CCDC13: variants seen among roughly 807,000 people sequenced by gnomAD.
The protein encoded by CCDC13 is coiled-coil domain containing 13, also known as coiled-coil domain-containing protein 13.
CCDC13 carries 70 observed loss-of-function variants against 87.3 expected under a neutral mutation model. The observed-to-expected ratio is 0.80, with a 90% confidence interval of 0.66 to 0.98. CCDC13 has a LOEUF of 0.98. CCDC13 is among the 50% of genes least tolerant of loss of function. The probability of loss-of-function intolerance (pLI) is 0.00; values close to 1 mark genes in which losing one functional copy is unlikely to be tolerated. For synonymous variants in CCDC13, 317 were observed against 360.3 expected (o/e 0.88, Z 1.36); for missense variants, 842 against 892.0 (o/e 0.94, Z 0.71).
At chr3:42,711,026 A>G (rs950121999) in intron 14 of CCDC13, among the ~76,000 whole-genome samples, 3 of 151,038 alleles carry the variant, frequency 2.0e-5, no homozygotes, top group Admixed American at 2.0e-4. Flanking sequence ...GGGGTGGATA[A>G]TTTGAGGTCA....
chr3:42,760,394 A>C (rs1428283998), intron 1 of CCDC13, among the ~76,000 whole-genome samples: 2 of 152,180 alleles, frequency 1.3e-5, no homozygotes, highest in Non-Finnish European at 2.9e-5. Context: ...AGGTGGGTGG[A>C]TCACCGGAGT....
intron 13 of CCDC13, among the ~76,000 whole-genome samples, chr3:42,720,799 A>C (rs55799024): frequency 0.17 from 25,373 of 152,198 alleles, 2,210 homozygotes; most frequent in South Asian, 0.25. Context: ...CTTTTCCGTC[A>C]ATTAAACATT....
intron 2 of CCDC13, among the ~76,000 whole-genome samples, chr3:42,757,540 C>G (rs530130298): frequency 6.6e-6 from 1 of 152,182 alleles, no homozygotes; most frequent in African/African-American, 2.4e-5. Flanking sequence ...AAAGAAAGAC[C>G]CTGTCTCTAA....
intron 15 of CCDC13, 51 bp from the exon 16 acceptor site, chr3:42,709,190 G>C (rs1698243911): frequency 1.9e-6 from 3 of 1,543,774 alleles, no homozygotes; most frequent in Non-Finnish European, 2.6e-6. Flanking sequence ...ACACAGGTGT[G>C]CGTGGGTGAC....
At chr3:42,735,159 G>T (rs1460003168) in intron 10 of CCDC13, among the ~76,000 whole-genome samples, 3 of 152,224 alleles carry the variant, frequency 2.0e-5, no homozygotes, top group Admixed American at 2.0e-4. Context: ...AGGCTGAGGG[G>T]CAGCCGGCCA....
At chr3:42,733,412 C>A in intron 11 of CCDC13, 58 bp downstream of exon 11, 1 of 1,601,376 alleles carries the variant, frequency 6.2e-7, no homozygotes. Flanking sequence ...AAGAAACAAC[C>A]TTTCTTCCGA....
chr3:42,771,312 A>C (rs972616378), intron 1 of CCDC13, among the ~76,000 whole-genome samples: 10 of 152,246 alleles, frequency 6.6e-5, no homozygotes, highest in African/African-American at 9.6e-5. Context: ...TAAATGAAAA[A>C]TATCAGTGGT....
chr3:42,713,065 G>T, intron 14 of CCDC13, 97 bp downstream of exon 14: 1 of 1,373,756 alleles, frequency 7.3e-7, no homozygotes, highest in Non-Finnish European at 9.9e-7. Context: ...CTTCCCACAT[G>T]CTCACTGATG....
chr3:42,771,548 A>T (rs1007204274), intron 1 of CCDC13, among the ~76,000 whole-genome samples: 2 of 152,214 alleles, frequency 1.3e-5, no homozygotes, highest in Non-Finnish European at 2.9e-5. Flanking sequence ...TGAGGCCAGG[A>T]GTTTGAGACC....
At chr3:42,715,640 G>A (rs960603876) in intron 13 of CCDC13, among the ~76,000 whole-genome samples, 55 of 152,220 alleles carry the variant, frequency 3.6e-4, no homozygotes, top group Non-Finnish European at 7.1e-4. Context: ...TAAAGTTTAT[G>A]AAAATTAAAT....
chr3:42,733,060 C>A, intron 11 of CCDC13, 90 bp from the exon 12 acceptor site: 2 of 1,045,898 alleles, frequency 1.9e-6, no homozygotes, highest in Non-Finnish European at 2.8e-6. Context: ...GAGCAGTGGC[C>A]AGCAGGGGTC....
intron 2 of CCDC13, 107 bp downstream of exon 2, chr3:42,758,018 A>T: frequency 1.1e-6 from 1 of 897,488 alleles, no homozygotes; most frequent in Non-Finnish European, 1.7e-6. Context: ...GCTTCCTTCT[A>T]TCACTTTAGC....
At chr3:42,745,729 G>A (rs950604963) in intron 7 of CCDC13, 194 bp downstream of exon 7, 1 of 503,038 alleles carries the variant, frequency 2.0e-6, no homozygotes, top group African/African-American at 1.9e-5. Context: ...ATAAGAGCTT[G>A]TTCATTAAAT....
intron 13 of CCDC13, among the ~76,000 whole-genome samples, chr3:42,723,569 A>G (rs1291552262): frequency 6.6e-6 from 1 of 152,240 alleles, no homozygotes; most frequent in Non-Finnish European, 1.5e-5. Context: ...AAGAAAGAAC[A>G]TTAAATTCAA....
rs56234512 is a variant in CCDC13, at chr3:42,744,804, CAAAAAAAAAAAAAA to C, written c.825+1105_825+1118del. ...TGGGTGATAGAGCGAGACTCCGTCT[CAAAAAAAAAAAAAA>C]AAAAAAAAAAAGAATTTGACATGTA... On this transcript the variant is annotated intron_variant, in intron 7 of 15. Transcript: ENST00000310232. 1.3e-4 allele frequency: 6 copies of C among 47,548 alleles called. No homozygotes were observed. In the Admixed American group the frequency reaches 1.6e-3, roughly 13 times the overall value. The allele number at this position is 47,548 out of a possible 1,614,324, so 2.9% of individuals were successfully genotyped here.
chr3:42,743,619 A>G (rs1225156310), intron 7 of CCDC13, among the ~76,000 whole-genome samples: 1 of 145,796 alleles, frequency 6.9e-6, no homozygotes, highest in Non-Finnish European at 1.5e-5. Context: ...ACATATATAT[A>G]TACACATATA....
intron 3 of CCDC13, 135 bp downstream of exon 3, chr3:42,756,931 G>T: frequency 1.2e-6 from 1 of 847,618 alleles, no homozygotes; most frequent in Non-Finnish European, 1.8e-6. Context: ...TCACTTCCAG[G>T]ACTCCTCTGG....
In CCDC13 at chr3:42,708,898, G is replaced by A; in HGVS notation, c.*82C>T. The A allele has an allele frequency of 2.8e-6, 4 of 1,428,804 alleles. No homozygotes were observed. The highest frequency in any genetic ancestry group is 2.9e-5 in the South Asian group (2 of 69,026). 88.5% of individuals were successfully genotyped at this position (1,428,804 alleles called of 1,614,324 possible). A position where few individuals can be genotyped will look rare whatever the true frequency, so the allele number is the denominator to read the frequency against. On this transcript the variant is annotated 3_prime_UTR_variant, in exon 16 of 16. Coordinates refer to ENST00000310232, the MANE Select transcript of CCDC13 (RefSeq NM_144719.4). Reference sequence around the variant, plus strand: ...GGCTGCCCTGGGCTGGCTTCCCGGAGCAGATGGAGTCCTCAGACAGAGTCT... The same window carrying A: ...GGCTGCCCTGGGCTGGCTTCCCGGAACAGATGGAGTCCTCAGACAGAGTCT...
At chr3:42,732,102 A>AGCGT (rs1426931023) in intron 12 of CCDC13, among the ~76,000 whole-genome samples, 1 of 152,164 alleles carries the variant, frequency 6.6e-6, no homozygotes, top group Non-Finnish European at 1.5e-5. Flanking sequence ...CACCCTAAGG[A>AGCGT]GCGTGGCACA....
Sources: allele counts gnomAD v4.1 joint callset (sites outside exome capture counted in the v4.1 genomes callset), GRCh38; gene constraint gnomAD v4.1.1; transcripts MANE v1.5; gene names NCBI Gene and HGNC (gene_info 2026-07-23, HGNC 2026-07-21).